TLL2: variants seen among roughly 807,000 people sequenced by gnomAD.
TLL2 encodes tolloid-like protein 2.
In TLL2, 106 loss-of-function variants were observed where a neutral mutation model predicts 123.0. That is an observed-to-expected ratio of 0.86 (90% CI 0.74 to 1.01). TLL2 has a LOEUF of 1.01. Ranked by LOEUF, TLL2 falls within the 50% of genes least tolerant of loss-of-function variation. TLL2 has a pLI of 0.00. For missense variants in TLL2, 1,332 were observed against 1,336.7 expected, an observed-to-expected ratio of 1.00 and a Z score of 0.06; for synonymous variants, 494 against 516.8, an observed-to-expected ratio of 0.96 and a Z score of 0.60.
At chr10:96,433,007 C>A (rs764858867) in intron 3 of TLL2, 45 bp from the exon 4 acceptor site, 24 of 1,590,674 alleles carry the variant, frequency 1.5e-5, no homozygotes, top group Admixed American at 5.1e-5. Context: ...TTTGGTTCCT[C>A]CTGTGAATTA....
chr10:96,417,882 A>T (rs1846579351), intron 7 of TLL2, among the ~76,000 whole-genome samples: 1 of 152,232 alleles, frequency 6.6e-6, no homozygotes, highest in South Asian at 2.1e-4. Flanking sequence ...CTGACTAACT[A>T]ACCCACAGTA....
At chr10:96,401,369 G>A (rs145977048) in intron 10 of TLL2, among the ~76,000 whole-genome samples, 1 of 152,300 alleles carries the variant, frequency 6.6e-6, no homozygotes, top group Non-Finnish European at 1.5e-5. Flanking sequence ...CCAGGGACCA[G>A]CTCGGCCGAC....
At chr10:96,482,816 A>G (rs1185208537) in intron 1 of TLL2, among the ~76,000 whole-genome samples, 1 of 152,222 alleles carries the variant, frequency 6.6e-6, no homozygotes, top group Admixed American at 6.5e-5. Context: ...CAGCATGTAA[A>G]TTATACTCAA....
intron 15 of TLL2, among the ~76,000 whole-genome samples, chr10:96,385,406 G>A (rs991067481): frequency 3.9e-5 from 6 of 152,116 alleles, no homozygotes; most frequent in South Asian, 2.1e-4. Context: ...CCTCATGGGC[G>A]CCATGGCCTC....
chr10:96,408,771 C>A (rs1846474565), intron 9 of TLL2, among the ~76,000 whole-genome samples: 1 of 152,196 alleles, frequency 6.6e-6, no homozygotes, highest in Non-Finnish European at 1.5e-5. Context: ...ATCTACTAGC[C>A]TGGCCCCTTT....
chr10:96,403,014 T>C (rs1222835073), intron 10 of TLL2, among the ~76,000 whole-genome samples: 1 of 152,190 alleles, frequency 6.6e-6, no homozygotes, highest in African/African-American at 2.4e-5. Flanking sequence ...CATGAATATG[T>C]GCCAAGGACA....
intron 16 of TLL2, among the ~76,000 whole-genome samples, chr10:96,380,138 C>A (rs1224910291): frequency 1.3e-5 from 2 of 152,212 alleles, no homozygotes; most frequent in Non-Finnish European, 2.9e-5. Flanking sequence ...AGAGCAGCAT[C>A]CAGCCCACAG....
chr10:96,438,387 T>C (rs60687026), intron 3 of TLL2, among the ~76,000 whole-genome samples: 3,640 of 152,324 alleles, frequency 0.024, 136 homozygotes, highest in African/African-American at 0.083. Context: ...GTATATGGCA[T>C]TGTATTTTTA....
Position 96,513,827 on chromosome 10 carries a change from G to T in TLL2, c.-142C>A. The T allele has an allele frequency of 1.1e-6, 1 of 885,416 alleles. No homozygotes were observed. The highest frequency in any genetic ancestry group is 1.6e-6 in the Non-Finnish European group (1 of 643,046). The allele number at this position is 885,416 out of a possible 1,614,324, so 54.8% of individuals were successfully genotyped here. A position where few individuals can be genotyped will look rare whatever the true frequency, so the allele number is the denominator to read the frequency against. On this transcript the variant is annotated 5_prime_UTR_variant, in exon 1 of 21. Transcript: ENST00000357947. Reference sequence around the variant, plus strand: ...CTGCTGGGCATGGCTCAGGCGCGGAGCAAGCGGAGCGCGGCGCCCCCTGTC... The same window carrying T: ...CTGCTGGGCATGGCTCAGGCGCGGATCAAGCGGAGCGCGGCGCCCCCTGTC...
intron 1 of TLL2, among the ~76,000 whole-genome samples, chr10:96,507,365 C>G (rs1847588564): frequency 6.6e-6 from 1 of 152,102 alleles, no homozygotes; most frequent in Non-Finnish European, 1.5e-5. Flanking sequence ...AGATATAACT[C>G]ACATGCCATA....
chr10:96,464,694 C>T (rs1047006897), intron 2 of TLL2, among the ~76,000 whole-genome samples: 6 of 152,238 alleles, frequency 3.9e-5, no homozygotes, highest in Non-Finnish European at 5.9e-5. Context: ...ATAGTGTCTA[C>T]ACCACCTGCT....
intron 15 of TLL2, among the ~76,000 whole-genome samples, chr10:96,385,528 T>G (rs908865506): frequency 6.6e-5 from 10 of 151,944 alleles, no homozygotes; most frequent in African/African-American, 2.4e-4. Flanking sequence ...TCAGCTGGGG[T>G]GGGGAGGGGA....
At chr10:96,450,546 C>T (rs547853434) in intron 2 of TLL2, among the ~76,000 whole-genome samples, 2 of 152,292 alleles carry the variant, frequency 1.3e-5, no homozygotes, top group South Asian at 4.1e-4. Context: ...GTACTATTTT[C>T]TTACTCCCAA....
intron 3 of TLL2, among the ~76,000 whole-genome samples, chr10:96,443,462 A>G (rs1443917885): frequency 6.6e-6 from 1 of 152,196 alleles, no homozygotes; most frequent in African/African-American, 2.4e-5. Flanking sequence ...CTGGAGGTGT[A>G]GCTAAAGTTT....
intron 2 of TLL2, among the ~76,000 whole-genome samples, chr10:96,466,065 T>C (rs1013503662): frequency 6.6e-6 from 1 of 152,210 alleles, no homozygotes; most frequent in East Asian, 1.9e-4. Context: ...GGGAAAGTCA[T>C]GCCTATAGGT....
Position 96,366,430 on chromosome 10 carries a change from A to G in TLL2, c.*1658T>C, listed in dbSNP as rs1025552071. ...GCATTGATTAAGGCTTTGACAGCTG[A>G]TCTTTTACATACATACATATATACA... On this transcript the variant is annotated 3_prime_UTR_variant, in exon 21 of 21. Coordinates refer to ENST00000357947, the MANE Select transcript of TLL2 (RefSeq NM_012465.4). 3.3e-5 allele frequency: 5 copies of G among 152,670 alleles called. No individual in the cohort carries two copies. Among genetic ancestry groups the G allele is most frequent in the African/African-American group, 4.8e-5 (2 of 41,460 alleles). The allele number at this position is 152,670 out of a possible 1,614,324, so 9.5% of individuals were successfully genotyped here.
chr10:96,381,595 G>A (rs865946433), intron 16 of TLL2, among the ~76,000 whole-genome samples: 10 of 152,116 alleles, frequency 6.6e-5, no homozygotes, highest in African/African-American at 2.4e-4. Flanking sequence ...CCCAAATCCT[G>A]CAAAAAGTCT....
chr10:96,407,299 C>T (rs546032642), intron 9 of TLL2, among the ~76,000 whole-genome samples: 5 of 152,194 alleles, frequency 3.3e-5, no homozygotes, highest in African/African-American at 1.2e-4. Flanking sequence ...GTCTGATTGC[C>T]CTGATGAACA....
intron 2 of TLL2, among the ~76,000 whole-genome samples, chr10:96,476,315 T>A (rs913052898): frequency 1.3e-5 from 2 of 148,246 alleles, no homozygotes; most frequent in African/African-American, 5.0e-5. Context: ...AGTGGTACGA[T>A]CTTGGCTAGT....
Sources: allele counts gnomAD v4.1 joint callset (sites outside exome capture counted in the v4.1 genomes callset), GRCh38; gene constraint gnomAD v4.1.1; transcripts MANE v1.5; gene names NCBI Gene and HGNC (gene_info 2026-07-23, HGNC 2026-07-21).